The following CCSER1 variants were observed in gnomAD, a reference collection of about 807,000 sequenced individuals.
CCSER1 encodes coiled-coil serine rich protein 1.
A neutral mutation model predicts 82.0 loss-of-function variants in CCSER1; 41 were observed. That is an observed-to-expected ratio of 0.50 (90% confidence interval 0.39 to 0.65). The LOEUF is 0.65. Among genes scored for constraint, CCSER1 ranks in the 30% least tolerant of loss-of-function variants. The pLI is 0.00. For missense variants in CCSER1, 1,119 were observed against 1,064.2 expected (o/e 1.05, Z -0.72); for synonymous variants, 414 against 383.9 (o/e 1.08, Z -0.92).
chr4:90,387,200 A>G (rs1419645526), intron 3 of CCSER1, among the ~76,000 whole-genome samples: 3 of 152,148 alleles, frequency 2.0e-5, no homozygotes, highest in East Asian at 1.9e-4. Context: ...TTAGTAAAAT[A>G]TTTGTTTTTA....
intron 6 of CCSER1, chr4:90,683,242 G>T (rs1222468125): frequency 1.3e-5 from 2 of 152,176 alleles, no homozygotes; most frequent in South Asian, 4.1e-4. Flanking sequence ...ATTGACTTTA[G>T]ACATAGAGAG....
intron 10 of CCSER1, among the ~76,000 whole-genome samples, chr4:91,087,754 T>C (rs1723528593): frequency 6.6e-6 from 1 of 152,102 alleles, no homozygotes; most frequent in Non-Finnish European, 1.5e-5. Flanking sequence ...GACCAGAAAG[T>C]AAATGTCAAC....
intron 5 of CCSER1, among the ~76,000 whole-genome samples, chr4:90,524,606 C>T (rs1281142197): frequency 1.3e-5 from 2 of 151,946 alleles, no homozygotes; most frequent in East Asian, 3.9e-4. Flanking sequence ...GTAGCTGGGA[C>T]TACGGGCGCG....
At chr4:91,465,111 C>G (rs1030820944) in intron 10 of CCSER1, among the ~76,000 whole-genome samples, 2 of 152,160 alleles carry the variant, frequency 1.3e-5, no homozygotes, top group African/African-American at 2.4e-5. Context: ...GGAAGTAAAG[C>G]ACTCCTCAGC....
chr4:90,262,481 G>A (rs1037928031), intron 1 of CCSER1, among the ~76,000 whole-genome samples: 2 of 152,052 alleles, frequency 1.3e-5, no homozygotes, highest in Admixed American at 1.3e-4. Flanking sequence ...TTATTTCATT[G>A]CCCCATCGTA....
At chr4:91,192,586 T>C (rs114694736) in intron 10 of CCSER1, among the ~76,000 whole-genome samples, 3,102 of 152,232 alleles carry the variant, frequency 0.02, 76 homozygotes, top group South Asian at 0.11. Context: ...ACAAAACTTG[T>C]TTCTGTCTCT....
rs1461739 is a variant in CCSER1 at position 90,344,588 on chromosome 4, T to G, written c.1509+31541T>G. Among the ~76,000 whole-genome samples, 7 of 151,978 alleles carry G rather than the reference T, an allele frequency of 4.6e-5. No individual in the cohort carries two copies. In the East Asian group the frequency reaches 7.8e-4, roughly 17 times the overall value. On this transcript the variant is annotated intron_variant, in intron 3 of 10. Coordinates refer to ENST00000509176, the MANE Select transcript of CCSER1 (RefSeq NM_001145065.2). ...GTACCCCCATAAACTCCTTGTAAAG[T>G]TGAAAATTTATAAGTTGAGCCATCA...
At chr4:90,623,671 A>G (rs79344557) in intron 5 of CCSER1, among the ~76,000 whole-genome samples, 4,198 of 152,300 alleles carry the variant, frequency 0.028, 185 homozygotes, top group African/African-American at 0.097. Flanking sequence ...CTTACTATAG[A>G]GGGAAATGCT....
At chr4:90,600,352 C>T (rs947332535) in intron 5 of CCSER1, among the ~76,000 whole-genome samples, 2 of 152,104 alleles carry the variant, frequency 1.3e-5, no homozygotes, top group African/African-American at 2.4e-5. Context: ...TTGGTACAGT[C>T]AGACTTTTTA....
chr4:90,250,998 G>T (rs1395487051), intron 1 of CCSER1, among the ~76,000 whole-genome samples: 1 of 151,776 alleles, frequency 6.6e-6, no homozygotes, highest in East Asian at 1.9e-4. Context: ...ATTTTCTACT[G>T]TATAGAGATA....
At chr4:90,155,415 CCT>C (rs1234847857) in intron 1 of CCSER1, among the ~76,000 whole-genome samples, 6 of 152,136 alleles carry the variant, frequency 3.9e-5, no homozygotes, top group African/African-American at 1.4e-4. Flanking sequence ...GGGAGGATTC[CCT>C]CTTTTTCTGT....
chr4:91,238,951 G>A (rs1739235681), intron 10 of CCSER1, among the ~76,000 whole-genome samples: 1 of 151,784 alleles, frequency 6.6e-6, no homozygotes, highest in African/African-American at 2.4e-5. Context: ...AGCCTCCCAA[G>A]TAGCTGGGAC....
intron 4 of CCSER1, among the ~76,000 whole-genome samples, chr4:90,441,084 T>C (rs752765508): frequency 3.3e-5 from 5 of 152,140 alleles, no homozygotes; most frequent in Non-Finnish European, 7.4e-5. Context: ...TTTGGGAGGA[T>C]CTGAAAGAGA....
chr4:90,964,731 C>CAAAAAAAA, intron 9 of CCSER1, among the ~76,000 whole-genome samples: 1 of 77,582 alleles, frequency 1.3e-5, no homozygotes, highest in Non-Finnish European at 2.2e-5. Flanking sequence ...ACTCTGTCTC[C>CAAAAAAAA]AAAAAAAAAA....
chr4:90,811,491 G>A (rs777960077), intron 7 of CCSER1, among the ~76,000 whole-genome samples: 6 of 152,120 alleles, frequency 3.9e-5, no homozygotes, highest in Non-Finnish European at 7.4e-5. Flanking sequence ...AGAGATAAAG[G>A]AAAAATCACT....
chr4:90,925,808 A>AG (rs1269768456), intron 9 of CCSER1, among the ~76,000 whole-genome samples: 15 of 152,168 alleles, frequency 9.9e-5, no homozygotes, highest in Admixed American at 4.6e-4. Context: ...TATTGAATTA[A>AG]GGTTAAAGAA....
At chr4:91,010,224 T>C (rs1395057705) in intron 9 of CCSER1, among the ~76,000 whole-genome samples, 3 of 152,188 alleles carry the variant, frequency 2.0e-5, no homozygotes. Flanking sequence ...GAACAATGAA[T>C]ATGTAATCTC....
chr4:90,484,967 C>G (rs890886486), intron 5 of CCSER1, among the ~76,000 whole-genome samples: 3 of 152,184 alleles, frequency 2.0e-5, no homozygotes, highest in Non-Finnish European at 4.4e-5. Context: ...GTGCCCAGCC[C>G]CTAGAGGTGG....
At chr4:90,591,989 ACACATGGG>A (rs1396747605) in intron 5 of CCSER1, among the ~76,000 whole-genome samples, 1 of 152,088 alleles carries the variant, frequency 6.6e-6, no homozygotes, top group African/African-American at 2.4e-5. Context: ...AACAATGAGA[ACACATGGG>A]CACAGGGAGG....
Sources: gnomAD v4.1 joint callset for allele counts (sites outside exome capture counted in the v4.1 genomes callset) on GRCh38, gnomAD v4.1.1 for gene constraint, MANE v1.5 for transcripts, NCBI Gene and HGNC (gene_info 2026-07-23, HGNC 2026-07-21) for gene names.